Variants in TGFBR3 observed in about 807,000 individuals in gnomAD.
The protein encoded by TGFBR3 is transforming growth factor beta receptor type 3.
A neutral mutation model predicts 87.9 loss-of-function variants in TGFBR3; 46 were observed. That is an observed-to-expected ratio of 0.52 (90% CI 0.41 to 0.67). The LOEUF is 0.67. Ranked by LOEUF, TGFBR3 falls within the 30% of genes least tolerant of loss-of-function variation. The pLI, the probability that TGFBR3 is intolerant of heterozygous loss-of-function variation, is 0.00. For synonymous variants in TGFBR3, 381 were observed against 391.6 expected (o/e 0.97, Z 0.32); for missense variants, 866 against 1,041.9 (o/e 0.83, Z 2.32).
intron 12 of TGFBR3, among the ~76,000 whole-genome samples, chr1:91,713,990 T>A (rs926225463): frequency 1.3e-5 from 2 of 150,160 alleles, no homozygotes; most frequent in Non-Finnish European, 3.0e-5. Flanking sequence ...AGGGAAAAAA[T>A]ATATATTATT....
intron 1 of TGFBR3, among the ~76,000 whole-genome samples, chr1:91,872,600 T>G (rs1163364527): frequency 6.6e-6 from 1 of 152,208 alleles, no homozygotes. Context: ...GAAGGGACTG[T>G]GTAACCAGAC....
chr1:91,863,448 T>C (rs980990065), intron 1 of TGFBR3, among the ~76,000 whole-genome samples: 3 of 152,210 alleles, frequency 2.0e-5, no homozygotes, highest in Non-Finnish European at 4.4e-5. Context: ...TAGGCTGTTG[T>C]GAGGATTCAG....
chr1:91,737,064 C>A (rs978819198), intron 4 of TGFBR3, among the ~76,000 whole-genome samples: 1 of 152,146 alleles, frequency 6.6e-6, no homozygotes, highest in Non-Finnish European at 1.5e-5. Context: ...GGGGCTGATT[C>A]GTGGAGGAGG....
intron 16 of TGFBR3, among the ~76,000 whole-genome samples, chr1:91,685,236 CT>C (rs1007715066): frequency 1.3e-5 from 2 of 151,316 alleles, no homozygotes; most frequent in African/African-American, 4.9e-5. Flanking sequence ...TGTACTTCCT[CT>C]AATTATCTTT....
chr1:91,709,422 A>C (rs2100752941), intron 13 of TGFBR3, among the ~76,000 whole-genome samples: 1 of 152,348 alleles, frequency 6.6e-6, no homozygotes, highest in South Asian at 2.1e-4. Flanking sequence ...AGATTGAAAA[A>C]CAGAATGGTT....
chr1:91,681,315 T>A lies in TGFBR3; in HGVS notation c.*2424A>T. On this transcript the variant is annotated 3_prime_UTR_variant, in exon 17 of 17. Transcript: ENST00000212355. ...CGACATTCACTCTCCAATATGAGATTAGGTTTTATCGACACAGATTTCTTG... is the reference window on the plus strand; with the variant it reads ...CGACATTCACTCTCCAATATGAGATAAGGTTTTATCGACACAGATTTCTTG... The A allele has an allele frequency of 4.5e-6, 2 of 445,424 alleles. No homozygotes were observed. The highest frequency in any genetic ancestry group is 8.9e-6 in the Non-Finnish European group (2 of 224,560). 27.6% of individuals were successfully genotyped at this position (445,424 alleles called of 1,614,324 possible). A position where few individuals can be genotyped will look rare whatever the true frequency, so the allele number is the denominator to read the frequency against.
chr1:91,780,859 T>A (rs1674738214), intron 3 of TGFBR3, among the ~76,000 whole-genome samples: 1 of 147,404 alleles, frequency 6.8e-6, no homozygotes, highest in Non-Finnish European at 1.5e-5. Flanking sequence ...CACCCGGCCT[T>A]CCTAAGGCTT....
intron 4 of TGFBR3, among the ~76,000 whole-genome samples, chr1:91,750,006 T>G (rs1383676160): frequency 6.6e-6 from 1 of 152,212 alleles, no homozygotes; most frequent in Non-Finnish European, 1.5e-5. Flanking sequence ...AAAGACGTTA[T>G]GGGACTCCAC....
intron 4 of TGFBR3, among the ~76,000 whole-genome samples, chr1:91,752,519 A>T (rs1673581841): frequency 6.6e-6 from 1 of 152,218 alleles, no homozygotes; most frequent in Admixed American, 6.5e-5. Context: ...TTCTAATCTT[A>T]GATACCCTTT....
At chr1:91,811,657 C>T (rs1676034841) in intron 2 of TGFBR3, among the ~76,000 whole-genome samples, 1 of 152,064 alleles carries the variant, frequency 6.6e-6, no homozygotes, top group Non-Finnish European at 1.5e-5. Flanking sequence ...ATAATTCAAT[C>T]AAATTGTATT....
intron 6 of TGFBR3, 120 bp from the exon 7 acceptor site, chr1:91,727,926 A>G (rs1173231524): frequency 4.2e-6 from 5 of 1,194,456 alleles, no homozygotes; most frequent in African/African-American, 1.5e-5. Context: ...GCTGGAGTTG[A>G]TCCCAGGCCA....
chr1:91,706,913 C>T (rs1463547361), intron 14 of TGFBR3, among the ~76,000 whole-genome samples: 1 of 152,254 alleles, frequency 6.6e-6, no homozygotes, highest in South Asian at 2.1e-4. Flanking sequence ...ACTATTTGGA[C>T]CATCCATTTA....
At chr1:91,848,354 C>T (rs1677589720) in intron 2 of TGFBR3, among the ~76,000 whole-genome samples, 2 of 152,130 alleles carry the variant, frequency 1.3e-5, no homozygotes, top group Non-Finnish European at 2.9e-5. Flanking sequence ...ACAGAATCTG[C>T]ATTTTAACAA....
intron 10 of TGFBR3, among the ~76,000 whole-genome samples, chr1:91,717,625 A>C (rs1270947714): frequency 6.6e-6 from 1 of 152,028 alleles, no homozygotes; most frequent in Non-Finnish European, 1.5e-5. Context: ...AAATTACTAC[A>C]AACAATTATA....
chr1:91,882,053 A>AAATAAATAAATG (rs1433558617), intron 1 of TGFBR3, among the ~76,000 whole-genome samples: 54 of 149,854 alleles, frequency 3.6e-4, no homozygotes, highest in African/African-American at 1.1e-3. Flanking sequence ...ATAAATAAAT[A>AAATAAATAAATG]AATAAATAAT....
intron 13 of TGFBR3, 143 bp from the exon 14 acceptor site, chr1:91,708,926 C>T: frequency 8.6e-7 from 1 of 1,167,310 alleles, no homozygotes; most frequent in East Asian, 2.6e-5. Context: ...GGGTGTTTTT[C>T]AGAGAACACC....
intron 3 of TGFBR3, among the ~76,000 whole-genome samples, chr1:91,784,376 T>C (rs1031544574): frequency 6.6e-6 from 1 of 152,164 alleles, no homozygotes; most frequent in East Asian, 1.9e-4. Context: ...CTTGGTGCCA[T>C]GCAATAACCC....
intron 8 of TGFBR3, among the ~76,000 whole-genome samples, chr1:91,721,339 G>A (rs1672361926): frequency 2.0e-5 from 3 of 152,168 alleles, no homozygotes; most frequent in Non-Finnish European, 4.4e-5. Flanking sequence ...TCCCCAAACA[G>A]TGACTAAATG....
intron 1 of TGFBR3, among the ~76,000 whole-genome samples, chr1:91,865,927 A>G (rs989850922): frequency 1.8e-4 from 28 of 152,030 alleles, no homozygotes; most frequent in Non-Finnish European, 1.5e-5. Context: ...AAAAAAAAAA[A>G]AAAGAAAATT....
Sources: allele counts gnomAD v4.1 joint callset (sites outside exome capture counted in the v4.1 genomes callset), GRCh38; gene constraint gnomAD v4.1.1; transcripts MANE v1.5; gene names NCBI Gene and HGNC (gene_info 2026-07-23, HGNC 2026-07-21).